Variants in SEPTIN11 observed in about 807,000 individuals in gnomAD.
The protein encoded by SEPTIN11 is septin-11.
SEPTIN11 carries 25 observed loss-of-function variants against 51.4 expected under a neutral mutation model. That is an observed-to-expected ratio of 0.49 (90% confidence interval 0.35 to 0.68). The LOEUF (loss-of-function observed/expected upper bound fraction) is 0.68. Ranked by LOEUF, SEPTIN11 falls within the 30% of genes least tolerant of loss-of-function variation. The pLI is 0.00. For synonymous variants in SEPTIN11, 174 were observed against 184.1 expected, an observed-to-expected ratio of 0.95 and a Z score of 0.44; for missense variants, 381 against 520.8, an observed-to-expected ratio of 0.73 and a Z score of 2.61.
chr4:76,956,166 G>A (rs935197450), intron 1 of SEPTIN11, among the ~76,000 whole-genome samples: 1 of 152,216 alleles, frequency 6.6e-6, no homozygotes, highest in Non-Finnish European at 1.5e-5. Context: ...CTGACCTGCT[G>A]TTGGAGGGCA....
intron 1 of SEPTIN11, among the ~76,000 whole-genome samples, chr4:76,991,425 T>C (rs536753231): frequency 6.6e-6 from 1 of 152,372 alleles, no homozygotes; most frequent in Admixed American, 6.5e-5. Context: ...GGAACATATT[T>C]TACAGCAGCG....
In SEPTIN11 at chr4:77,019,207, A is replaced by G; in HGVS notation, c.730A>G (p.Lys244Glu). The change falls in exon 6 of 10, where the codon AAG (lysine) becomes GAG (glutamate). Residue 244 changes from lysine to glutamate, a missense_variant. By Grantham distance (56) the Lys-to-Glu change is moderately conservative. This residue lies in a region of SEPTIN11 where 197 missense variants were observed against 313.1 expected (regional missense o/e 0.63). Transcript: ENST00000264893. ...FAVVGSTEEVKIGNKMAKARQ... is the reference protein window; with the variant it reads ...FAVVGSTEEVEIGNKMAKARQ... ...AGTGGTTGGCAGCACCGAAGAGGTG[A>G]AGATTGGCAACAAGATGGCAAAGGC... 1.9e-6 allele frequency: 3 copies of G among 1,613,742 alleles called. No homozygotes were observed. Among genetic ancestry groups the G allele is most frequent in the Non-Finnish European group, 2.5e-6 (3 of 1,179,890 alleles).
intron 1 of SEPTIN11, chr4:76,995,817 C>G: frequency 2.0e-6 from 3 of 1,533,430 alleles, no homozygotes; most frequent in Non-Finnish European, 2.6e-6. Context: ...CCAGCAGTTA[C>G]AGAGCCTGTG....
chr4:76,989,499 C>T (rs776201155), intron 1 of SEPTIN11, among the ~76,000 whole-genome samples: 31 of 152,134 alleles, frequency 2.0e-4, no homozygotes, highest in Non-Finnish European at 2.9e-4. Context: ...CCACATCTAC[C>T]GAAACACTTC....
At chr4:77,039,828 G>C, downstream of SEPTIN11, 1 of 753,628 alleles carries the variant, frequency 1.3e-6, no homozygotes, top group Non-Finnish European at 1.6e-6. Context: ...GACTTTTTCT[G>C]TTACTTGCAT....
intron 5 of SEPTIN11, among the ~76,000 whole-genome samples, chr4:77,015,597 C>G (rs1725163242): frequency 6.6e-6 from 1 of 152,212 alleles, no homozygotes; most frequent in East Asian, 1.9e-4. Context: ...GTCTGTTTCA[C>G]TACTCTTTTG....
intron 1 of SEPTIN11, among the ~76,000 whole-genome samples, chr4:76,951,153 T>C (rs1175139288): frequency 6.6e-6 from 1 of 152,118 alleles, no homozygotes; most frequent in Admixed American, 6.5e-5. Flanking sequence ...CTTCCCCCTC[T>C]CCCCGCCTAA....
chr4:77,006,890 T>G (rs918980670), intron 3 of SEPTIN11, among the ~76,000 whole-genome samples: 6 of 152,250 alleles, frequency 3.9e-5, no homozygotes, highest in Admixed American at 3.9e-4. Flanking sequence ...AATTCATTCT[T>G]TAGCTGAGCA....
chr4:77,018,280 T>C (rs191053729), intron 5 of SEPTIN11, among the ~76,000 whole-genome samples: 1,767 of 151,964 alleles, frequency 0.012, 19 homozygotes, highest in African/African-American at 0.035. Flanking sequence ...GAAACCCCGT[T>C]TCTACTAAAA....
intron 1 of SEPTIN11, among the ~76,000 whole-genome samples, chr4:76,989,376 C>T (rs1332446594): frequency 2.6e-5 from 4 of 152,146 alleles, no homozygotes; most frequent in African/African-American, 9.7e-5. Context: ...ATATTGCTTT[C>T]GAATGGAAAC....
At chr4:76,998,055 A>G (rs1407273489) in intron 2 of SEPTIN11, among the ~76,000 whole-genome samples, 1 of 152,062 alleles carries the variant, frequency 6.6e-6, no homozygotes, top group East Asian at 1.9e-4. Context: ...CTTGTGTTAA[A>G]TAAGACAATT....
At chr4:76,950,470 T>G (rs1721283230) in intron 1 of SEPTIN11, among the ~76,000 whole-genome samples, 1 of 152,354 alleles carries the variant, frequency 6.6e-6, no homozygotes, top group Admixed American at 6.5e-5. Flanking sequence ...GAGCGGGCCC[T>G]GCCCAGGATG....
intron 1 of SEPTIN11, among the ~76,000 whole-genome samples, chr4:76,972,160 A>G (rs1396873219): frequency 6.6e-6 from 1 of 152,094 alleles, no homozygotes; most frequent in African/African-American, 2.4e-5. Flanking sequence ...CAATTGGGCT[A>G]TTTATCTTGT....
chr4:76,956,862 T>C (rs966913073), intron 1 of SEPTIN11, among the ~76,000 whole-genome samples: 1 of 152,158 alleles, frequency 6.6e-6, no homozygotes, highest in African/African-American at 2.4e-5. Flanking sequence ...AGGAATCTAC[T>C]ATGAAGCCAA....
Position 77,037,085 on chromosome 4 carries a change from G to A in SEPTIN11, c.*2573G>A, listed in dbSNP as rs1165599712. ...AATCCGAAATTACTAATCCAGGCCA[G>A]GTGTGGTGGCTCATGCCTGTAATCC... On this transcript the variant is annotated 3_prime_UTR_variant, in exon 10 of 10. Transcript: ENST00000264893. 9.1e-7 allele frequency: 1 copy of A among 1,098,834 alleles called. No individual in the cohort carries two copies. Among genetic ancestry groups the A allele is most frequent in the Non-Finnish European group, 1.1e-6 (1 of 904,504 alleles). 68.1% of individuals were successfully genotyped at this position (1,098,834 alleles called of 1,614,324 possible). A position where few individuals can be genotyped will look rare whatever the true frequency, so the allele number is the denominator to read the frequency against.
At chr4:76,992,504 T>C (rs950332032) in intron 1 of SEPTIN11, among the ~76,000 whole-genome samples, 7 of 152,190 alleles carry the variant, frequency 4.6e-5, no homozygotes, top group African/African-American at 1.7e-4. Context: ...TGGGAAACCT[T>C]GGGCAAGTTA....
At chr4:77,039,131 G>A (rs1171743410), downstream of SEPTIN11, 1 of 1,288,134 alleles carries the variant, frequency 7.8e-7, no homozygotes, top group East Asian at 5.5e-5. Context: ...TGGACATAGA[G>A]CATTAGAAGA....
At chr4:76,982,171 C>A (rs919771994) in intron 1 of SEPTIN11, among the ~76,000 whole-genome samples, 1 of 151,966 alleles carries the variant, frequency 6.6e-6, no homozygotes, top group Non-Finnish European at 1.5e-5. Context: ...CTACCTCTTT[C>A]TTTCCATCCA....
At chr4:76,950,705 C>A (rs552322316) in intron 1 of SEPTIN11, among the ~76,000 whole-genome samples, 8 of 152,158 alleles carry the variant, frequency 5.3e-5, no homozygotes, top group Non-Finnish European at 1.2e-4. Flanking sequence ...GTGTGTGGGC[C>A]AAGGCGCCGC....
Sources: allele counts gnomAD v4.1 joint callset (sites outside exome capture counted in the v4.1 genomes callset), GRCh38; gene constraint gnomAD v4.1.1; regional missense constraint gnomAD v4.1.1; transcripts MANE v1.5; gene names NCBI Gene and HGNC (gene_info 2026-07-23, HGNC 2026-07-21).